The following VPS37C variants were observed in gnomAD, a reference collection of about 807,000 sequenced individuals.
The protein encoded by VPS37C is VPS37C subunit of ESCRT-I, also known as vacuolar protein sorting-associated protein 37C.
VPS37C carries 9 observed loss-of-function variants against 16.1 expected under a neutral mutation model. That is an observed-to-expected ratio of 0.56 (90% CI 0.34 to 0.97). VPS37C has a LOEUF of 0.97. Ranked by LOEUF, VPS37C falls within the 50% of genes least tolerant of loss-of-function variation. The probability of loss-of-function intolerance (pLI) is 0.02; values close to 1 mark genes in which losing one functional copy is unlikely to be tolerated. For missense variants in VPS37C, 479 were observed against 472.7 expected, an observed-to-expected ratio of 1.01 and a Z score of -0.12; for synonymous variants, 207 against 206.4, an observed-to-expected ratio of 1.00 and a Z score of -0.02.
At chr11:61,136,625 T>C (rs557911730) in intron 2 of VPS37C, among the ~76,000 whole-genome samples, 1 of 151,804 alleles carries the variant, frequency 6.6e-6, no homozygotes, top group Non-Finnish European at 1.5e-5. Context: ...AGACTAAAAA[T>C]AGGTAAATAA....
chr11:61,142,974 C>T (rs1235498994), intron 1 of VPS37C, among the ~76,000 whole-genome samples: 1 of 69,876 alleles, frequency 1.4e-5, no homozygotes, highest in Admixed American at 1.5e-4. Context: ...AAAAGAATAG[C>T]TAAAAAAAAA....
In VPS37C at chr11:61,132,159, G is replaced by T; in HGVS notation, c.729C>A (p.Pro243=). The T allele has an allele frequency of 1.4e-6, 2 of 1,459,806 alleles. No individual in the cohort carries two copies. Among genetic ancestry groups the T allele is most frequent in the Non-Finnish European group, 1.8e-6 (2 of 1,103,722 alleles). 90.4% of individuals were successfully genotyped at this position (1,459,806 alleles called of 1,614,324 possible). The change falls in exon 5 of 5, where the codon CCC becomes CCA. Residue 243 remains proline, a synonymous_variant. Coordinates refer to ENST00000301765, the MANE Select transcript of VPS37C (RefSeq NM_017966.5). The stretch of plus-strand genomic sequence containing the variant: ...GTCCAAGCTGGGCTGCCGGGTAAGT[G>T]GGGCCCAGAGGCCCGCTGTAGAAGG... The part of the protein sequence containing the change: ...QPSFYSGPLG[P]TYPAAQLGPR...
At chr11:61,146,726 C>T (rs888597792) in intron 1 of VPS37C, among the ~76,000 whole-genome samples, 2 of 152,208 alleles carry the variant, frequency 1.3e-5, no homozygotes, top group East Asian at 1.9e-4. Flanking sequence ...AGCCAGTCTG[C>T]GTTCCTTGCA....
intron 1 of VPS37C, among the ~76,000 whole-genome samples, chr11:61,151,360 G>C (rs763548331): frequency 6.6e-6 from 1 of 152,154 alleles, no homozygotes; most frequent in African/African-American, 2.4e-5. Flanking sequence ...CAGATGTACC[G>C]GCCCAGGAGC....
chr11:61,160,846 G>A (rs982738148), intron 1 of VPS37C, among the ~76,000 whole-genome samples: 1 of 152,186 alleles, frequency 6.6e-6, no homozygotes, highest in African/African-American at 2.4e-5. Flanking sequence ...ATGCTGGGAG[G>A]TCCAAGTCTG....
At chr11:61,158,346 AG>A (rs1853410714) in intron 1 of VPS37C, among the ~76,000 whole-genome samples, 2 of 152,246 alleles carry the variant, frequency 1.3e-5, no homozygotes, top group African/African-American at 4.8e-5. Flanking sequence ...GTAAGGACAC[AG>A]AAGACTTGAA....
intron 3 of VPS37C, 44 bp downstream of exon 3, chr11:61,133,992 C>T (rs747892251): frequency 1.9e-6 from 3 of 1,582,386 alleles, no homozygotes; most frequent in Non-Finnish European, 2.6e-6. Flanking sequence ...GGCCTCCGTC[C>T]AACCCTGAAT....
chr11:61,142,975 TAA>T, intron 1 of VPS37C, among the ~76,000 whole-genome samples: 253 of 47,580 alleles, frequency 5.3e-3, no homozygotes, highest in African/African-American at 0.015. Flanking sequence ...AAAGAATAGC[TAA>T]AAAAAAAAAA....
At chr11:61,152,140 C>A (rs1313662695) in intron 1 of VPS37C, among the ~76,000 whole-genome samples, 1 of 152,250 alleles carries the variant, frequency 6.6e-6, no homozygotes, top group East Asian at 1.9e-4. Flanking sequence ...GGAGTGTGCA[C>A]CGGTCATGCA....
At chr11:61,155,758 A>C (rs536121) in intron 1 of VPS37C, among the ~76,000 whole-genome samples, 113,033 of 152,132 alleles carry the variant, frequency 0.74, 43,511 homozygotes, top group East Asian at 1. Context: ...AGGAACATGA[A>C]ACAAGATAGA....
Position 61,143,675 on chromosome 11 carries a change from TC to T in VPS37C, c.-6-4841del, listed in dbSNP as rs202197893. On this transcript the variant is annotated intron_variant, in intron 1 of 4. Transcript: ENST00000301765. Reference sequence around the variant, plus strand: ...TGTGCCCAGCCAATTCTTTTTTTTTTCTGAGATGGAGTTTCGCTCTTGTTGC... The same window carrying T: ...TGTGCCCAGCCAATTCTTTTTTTTTTTGAGATGGAGTTTCGCTCTTGTTGC... 112 of 149,038 alleles carry T rather than the reference TC, an allele frequency of 7.5e-4. 1 individual carries two copies. The highest frequency in any genetic ancestry group is 3.4e-3 in the Middle Eastern group (1 of 290). The allele number at this position is 149,038 out of a possible 1,614,324, so 9.2% of individuals were successfully genotyped here. A position where few individuals can be genotyped will look rare whatever the true frequency, so the allele number is the denominator to read the frequency against.
At chr11:61,135,256 C>A (rs952139763) in intron 2 of VPS37C, among the ~76,000 whole-genome samples, 21 of 152,216 alleles carry the variant, frequency 1.4e-4, no homozygotes, top group Admixed American at 3.3e-4. Context: ...GAAAGGCTAC[C>A]CCTTCTGCTG....
chr11:61,156,158 A>C (rs1853372747), intron 1 of VPS37C, among the ~76,000 whole-genome samples: 1 of 152,258 alleles, frequency 6.6e-6, no homozygotes, highest in Non-Finnish European at 1.5e-5. Flanking sequence ...AAAAGGAAAA[A>C]GGGAACAAAG....
intron 1 of VPS37C, 117 bp from the exon 2 acceptor site, chr11:61,138,952 C>T (rs1023720818): frequency 9.8e-6 from 9 of 914,572 alleles, no homozygotes; most frequent in East Asian, 2.5e-5. Flanking sequence ...AATACCACTC[C>T]ACCGGGAGGC....
At chr11:61,158,941 T>C (rs1341006624) in intron 1 of VPS37C, among the ~76,000 whole-genome samples, 2 of 152,206 alleles carry the variant, frequency 1.3e-5, no homozygotes, top group Non-Finnish European at 2.9e-5. Flanking sequence ...GGTAAGCACC[T>C]GGGAACAGAC....
chr11:61,141,720 G>A (rs538566575), intron 1 of VPS37C, among the ~76,000 whole-genome samples: 46 of 152,138 alleles, frequency 3.0e-4, no homozygotes, highest in Non-Finnish European at 4.0e-4. Context: ...GTGCTGGCTC[G>A]GTGCCAGGCC....
intron 1 of VPS37C, among the ~76,000 whole-genome samples, chr11:61,154,661 T>C (rs1460904976): frequency 1.3e-5 from 2 of 152,148 alleles, no homozygotes; most frequent in Admixed American, 6.5e-5. Context: ...AAAAAAATAT[T>C]TGCAGAGTTA....
chr11:61,150,908 T>G (rs551925553), intron 1 of VPS37C, among the ~76,000 whole-genome samples: 6 of 152,174 alleles, frequency 3.9e-5, no homozygotes, highest in African/African-American at 7.2e-5. Flanking sequence ...GCCCTGCGTC[T>G]GAGGTTTAGA....
chr11:61,141,097 A>G (rs1167208334), intron 1 of VPS37C, among the ~76,000 whole-genome samples: 1 of 152,162 alleles, frequency 6.6e-6, no homozygotes, highest in African/African-American at 2.4e-5. Flanking sequence ...GGCCAGGTGC[A>G]GTGGCTTATG....
Sources: gnomAD v4.1 joint callset for allele counts (sites outside exome capture counted in the v4.1 genomes callset) on GRCh38, gnomAD v4.1.1 for gene constraint, MANE v1.5 for transcripts, NCBI Gene and HGNC (gene_info 2026-07-23, HGNC 2026-07-21) for gene names.